The following RICTOR variants were observed in gnomAD, a reference collection of about 807,000 sequenced individuals.
The protein encoded by RICTOR is RPTOR independent companion of MTOR complex 2.
Under a neutral mutation model 214.9 loss-of-function variants are expected in RICTOR, and 49 were observed. The ratio of observed to expected loss-of-function variants is 0.23; its 90% CI spans 0.18 to 0.29. The LOEUF is 0.29. RICTOR is among the 10% of genes least tolerant of loss of function. RICTOR has a pLI of 1.00. For synonymous variants in RICTOR, 717 were observed against 711.3 expected (o/e 1.01, Z -0.13); for missense variants, 1,625 against 2,047.0 (o/e 0.79, Z 3.98).
At chr5:38,984,051 T>G (rs199831413) in intron 7 of RICTOR, among the ~76,000 whole-genome samples, 2 of 382 alleles carry the variant, frequency 5.2e-3, no homozygotes, top group African/African-American at 6.8e-3. Flanking sequence ...GAATTACCTG[T>G]TTTTTTTTTT....
intron 7 of RICTOR, among the ~76,000 whole-genome samples, chr5:38,983,977 A>G (rs1047869486): frequency 2.0e-5 from 3 of 152,108 alleles, no homozygotes; most frequent in African/African-American, 7.2e-5. Context: ...AAACAAAAAC[A>G]AAACAAAACA....
intron 31 of RICTOR, among the ~76,000 whole-genome samples, chr5:38,947,841 T>G (rs974644273): frequency 6.6e-6 from 1 of 152,160 alleles, no homozygotes; most frequent in Non-Finnish European, 1.5e-5. Context: ...GTATCAACTC[T>G]ATTTAATATT....
At chr5:38,977,305 T>C (rs1433118245) in intron 9 of RICTOR, among the ~76,000 whole-genome samples, 1 of 152,198 alleles carries the variant, frequency 6.6e-6, no homozygotes, top group African/African-American at 2.4e-5. Context: ...TTCTGACCTA[T>C]CAAACTGTGA....
intron 3 of RICTOR, among the ~76,000 whole-genome samples, chr5:39,012,372 C>A (rs1239602876): frequency 6.6e-6 from 1 of 152,118 alleles, no homozygotes; most frequent in Admixed American, 6.6e-5. Flanking sequence ...TGTCCCCAGC[C>A]CTGTGGAACT....
chr5:39,049,622 A>G (rs916074275), intron 2 of RICTOR, among the ~76,000 whole-genome samples: 1 of 151,952 alleles, frequency 6.6e-6, no homozygotes, highest in Non-Finnish European at 1.5e-5. Context: ...AAAGAACACT[A>G]AAGAGAACAT....
At chr5:39,028,384 G>A (rs927983164) in intron 2 of RICTOR, among the ~76,000 whole-genome samples, 7 of 151,456 alleles carry the variant, frequency 4.6e-5, no homozygotes, top group South Asian at 2.1e-4. Context: ...GGGTTTCACC[G>A]TTTTAGCCGG....
chr5:39,074,167 AAC>A lies in RICTOR; in HGVS notation c.50-11_50-10del. 1 of 1,589,820 alleles carries A rather than the reference AAC, an allele frequency of 6.3e-7. No individual in the cohort carries two copies. The highest frequency in any genetic ancestry group is 8.5e-7 in the Non-Finnish European group (1 of 1,169,592). On this transcript the variant is annotated splice_polypyrimidine_tract_variant and intron_variant, in intron 1 of 37. Transcript: ENST00000357387. ...GCCGCTGTCATTCCGCCCTGCGCGA[AAC>A]AGACACACAGCCCCAATTAGGATTG...
intron 27 of RICTOR, 189 bp downstream of exon 27, chr5:38,954,585 T>C (rs1749075097): frequency 2.0e-6 from 1 of 506,024 alleles, no homozygotes; most frequent in East Asian, 3.4e-5. Flanking sequence ...TGCAAGGCCA[T>C]TAATATTTCT....
chr5:38,964,620 A>G (rs908779744), intron 16 of RICTOR, among the ~76,000 whole-genome samples, 172 bp downstream of exon 16: 2 of 151,932 alleles, frequency 1.3e-5, no homozygotes, highest in African/African-American at 4.8e-5. Flanking sequence ...TTGCAGCCTA[A>G]AAGACAAATT....
chr5:39,051,675 C>A (rs960801982), intron 2 of RICTOR, among the ~76,000 whole-genome samples: 16 of 152,046 alleles, frequency 1.1e-4, no homozygotes, highest in Admixed American at 2.0e-4. Context: ...ATCGCTTGAA[C>A]CCAGGAGGCG....
intron 2 of RICTOR, among the ~76,000 whole-genome samples, chr5:39,054,190 AT>A (rs1758050373): frequency 6.6e-6 from 1 of 152,300 alleles, no homozygotes; most frequent in East Asian, 1.9e-4. Context: ...TAAAAAAAAA[AT>A]ACAAAGAACA....
chr5:39,006,635 T>TA (rs919794861), intron 3 of RICTOR, among the ~76,000 whole-genome samples: 1 of 148,494 alleles, frequency 6.7e-6, no homozygotes, highest in Non-Finnish European at 1.5e-5. Flanking sequence ...ATTGGTAGGA[T>TA]AACTGTAAAA....
chr5:38,987,936 T>C (rs1402507243), intron 7 of RICTOR, among the ~76,000 whole-genome samples: 1 of 152,202 alleles, frequency 6.6e-6, no homozygotes, highest in African/African-American at 2.4e-5. Context: ...AAAGAACTTA[T>C]TAATTTCTGC....
At chr5:38,975,461 C>T in intron 10 of RICTOR, 76 bp downstream of exon 10, 1 of 1,005,296 alleles carries the variant, frequency 9.9e-7, no homozygotes, top group Non-Finnish European at 1.6e-6. Flanking sequence ...TTAGGTGCTA[C>T]AATAATAATT....
chr5:38,996,228 C>T (rs1216044319), intron 6 of RICTOR, among the ~76,000 whole-genome samples: 1 of 152,206 alleles, frequency 6.6e-6, no homozygotes, highest in East Asian at 1.9e-4. Context: ...ACTCTCAGTT[C>T]ACTCTCTTCT....
rs1757999766 is a variant in RICTOR at position 39,053,726 on chromosome 5, AC to A, written c.97+20384del. On this transcript the variant is annotated intron_variant, in intron 2 of 37. Coordinates refer to ENST00000357387, the MANE Select transcript of RICTOR (RefSeq NM_152756.5). ...GCTAACACGGTGAAACCCCGTCTCT[AC>A]TAAAAATACAAAAAATTAGCCGGGC... Among the ~76,000 whole-genome samples, 7 of 151,402 alleles carry A rather than the reference AC, an allele frequency of 4.6e-5. No homozygotes were observed. In the South Asian group the frequency reaches 1.5e-3, roughly 32 times the overall value.
Position 38,952,548 on chromosome 5 carries a change from T to A in RICTOR, c.2898-123A>T. The A allele has an allele frequency of 1.1e-5, 5 of 470,370 alleles. No individual in the cohort carries two copies. In the South Asian group the frequency reaches 1.5e-4, roughly 14 times the overall value. 29.1% of individuals were successfully genotyped at this position (470,370 alleles called of 1,614,324 possible). On this transcript the variant is annotated intron_variant, in intron 29 of 37. Transcript: ENST00000357387. ...CTAAAACCCACCAAAATGGTTGCGTTTGTGGAAAAAAAAAAACTTATTAAG... is the reference window on the plus strand; with the variant it reads ...CTAAAACCCACCAAAATGGTTGCGTATGTGGAAAAAAAAAAACTTATTAAG...
Position 38,950,028 on chromosome 5 carries a change from A to G in RICTOR, c.3820T>C (p.Ser1274Pro), listed in dbSNP as rs181291576. The G allele has an allele frequency of 3.7e-6, 6 of 1,613,432 alleles. No individual in the cohort carries two copies. In the African/African-American group the frequency reaches 8.0e-5, roughly 22 times the overall value. The change falls in exon 31 of 38, where the codon TCT becomes CCT. Residue 1274 changes from serine to proline, a missense_variant. This residue lies in a region of RICTOR where 1,214 missense variants were observed against 1,470.5 expected (regional missense o/e 0.83). Coordinates refer to ENST00000357387, the MANE Select transcript of RICTOR (RefSeq NM_152756.5). ...IKTSHYLTPQ[S>P]NHLSLSKSNS... ...GATTTGGAGAGAGACAGATGGTTAG[A>G]CTGTGGCGTCAAATAGTGGCTTGTC...
rs1354162099 is a variant in RICTOR, at chr5:38,975,619, G to C, written c.822-15C>G. 6.2e-7 allele frequency: 1 copy of C among 1,605,246 alleles called. No homozygotes were observed. The highest frequency in any genetic ancestry group is 1.7e-5 in the Admixed American group (1 of 59,952). On this transcript the variant is annotated splice_polypyrimidine_tract_variant and intron_variant, in intron 9 of 37. Coordinates refer to ENST00000357387, the MANE Select transcript of RICTOR (RefSeq NM_152756.5). ...CTCTGTCTTCTCTGTTGGGGGTGGG[G>C]AGGCAGCGGGGAGAATCAATGAAAT...
Sources: gnomAD v4.1 joint callset for allele counts (sites outside exome capture counted in the v4.1 genomes callset) on GRCh38, gnomAD v4.1.1 for gene constraint, gnomAD v4.1.1 regional missense constraint, MANE v1.5 for transcripts, NCBI Gene and HGNC (gene_info 2026-07-23, HGNC 2026-07-21) for gene names.